The following GRID2 variants were observed in gnomAD, a reference collection of about 807,000 sequenced individuals.
The protein encoded by GRID2 is glutamate receptor ionotropic, delta-2.
GRID2 carries 33 observed loss-of-function variants against 114.8 expected under a neutral mutation model. That is an observed-to-expected ratio of 0.29 (90% CI 0.22 to 0.38). The LOEUF (loss-of-function observed/expected upper bound fraction) is 0.38. Ranked by LOEUF, GRID2 falls within the 10% of genes least tolerant of loss-of-function variation. The probability of loss-of-function intolerance (pLI) is 1.00; values close to 1 mark genes in which losing one functional copy is unlikely to be tolerated. For synonymous variants in GRID2, 505 were observed against 449.9 expected (o/e 1.12, Z -1.55); for missense variants, 1,184 against 1,257.7 (o/e 0.94, Z 0.89).
At chr4:92,941,022 A>C (rs1334334506) in intron 2 of GRID2, among the ~76,000 whole-genome samples, 1 of 152,082 alleles carries the variant, frequency 6.6e-6, no homozygotes, top group Non-Finnish European at 1.5e-5. Flanking sequence ...TATTGGTTTA[A>C]AATTCTCTTT....
At chr4:92,774,875 A>C (rs547152083) in intron 2 of GRID2, among the ~76,000 whole-genome samples, 2 of 152,038 alleles carry the variant, frequency 1.3e-5, no homozygotes, top group Non-Finnish European at 2.9e-5. Context: ...GATCTCTTCC[A>C]AAATTTTTCT....
chr4:92,791,149 C>T (rs1427231555), intron 2 of GRID2, among the ~76,000 whole-genome samples: 1 of 151,596 alleles, frequency 6.6e-6, no homozygotes, highest in Non-Finnish European at 1.5e-5. Flanking sequence ...AGAAATTGTT[C>T]CAGCTTACTA....
intron 1 of GRID2, among the ~76,000 whole-genome samples, chr4:92,364,486 A>G (rs936291733): frequency 6.6e-6 from 1 of 152,118 alleles, no homozygotes; most frequent in African/African-American, 2.4e-5. Flanking sequence ...ACAGAATAGT[A>G]TTATTCAATA....
Position 93,316,312 on chromosome 4 carries a change from GAAAGAAAGAAAGAAAGAAAGAAA to G in GRID2, c.1245+77823_1245+77845del, listed in dbSNP as rs1560490613. On this transcript the variant is annotated intron_variant, in intron 8 of 15. Transcript: ENST00000282020. ...AGAACGAAAGAAAGAAAGAAAGAAAGAAAGAAAGAAAGAAAGAAAGAAAGAAAGAAGGAAGGAAGGAAGGAAGG... is the reference window on the plus strand; with the variant it reads ...AGAACGAAAGAAAGAAAGAAAGAAAGGAAAGAAGGAAGGAAGGAAGGAAGG... Among the ~76,000 whole-genome samples the G allele has an allele frequency of 6.5e-3, 790 of 122,420 alleles. 9 individuals carry two copies. The highest frequency in any genetic ancestry group is 0.027 in the African/African-American group (747 of 28,074). 80.3% of individuals were successfully genotyped at this position (122,420 alleles called of 152,430 possible). A position where few individuals can be genotyped will look rare whatever the true frequency, so the allele number is the denominator to read the frequency against.
rs778705188 is a variant in GRID2, at chr4:92,704,701, A to ATCTCTCTCTC, written c.244+114427_244+114436dup. ...TCTTTTCTCCCCAATCAATCAATCA[A>ATCTCTCTCTC]TCTCTCTCTCTCTCTCTCTCTTTCT... On this transcript the variant is annotated intron_variant, in intron 2 of 15. Transcript: ENST00000282020. 1.1e-3 allele frequency among the ~76,000 whole-genome samples: 127 copies of ATCTCTCTCTC among 113,688 alleles called. 3 individuals carry two copies. The South Asian group carries it at 0.021, about 19-fold the overall frequency. 74.6% of individuals were successfully genotyped at this position (113,688 alleles called of 152,430 possible). A position where few individuals can be genotyped will look rare whatever the true frequency, so the allele number is the denominator to read the frequency against.
intron 3 of GRID2, among the ~76,000 whole-genome samples, chr4:93,101,474 A>G (rs541705837): frequency 1.3e-5 from 2 of 152,040 alleles, no homozygotes; most frequent in East Asian, 3.9e-4. Flanking sequence ...ATCTTCATGA[A>G]TTTCACTTTT....
At chr4:93,248,406 G>A (rs1748445234) in intron 8 of GRID2, among the ~76,000 whole-genome samples, 1 of 152,126 alleles carries the variant, frequency 6.6e-6, no homozygotes, top group Admixed American at 6.6e-5. Context: ...GACTCAAAGA[G>A]TAAGCCATTC....
intron 8 of GRID2, among the ~76,000 whole-genome samples, chr4:93,312,624 C>T (rs1756138426): frequency 6.6e-6 from 1 of 152,148 alleles, no homozygotes; most frequent in Non-Finnish European, 1.5e-5. Context: ...ATTTCAAAAC[C>T]TGCTTCCATT....
At chr4:93,630,502 G>C (rs72889192) in intron 14 of GRID2, among the ~76,000 whole-genome samples, 16,935 of 152,058 alleles carry the variant, frequency 0.11, 1,010 homozygotes, top group Middle Eastern at 0.14. Flanking sequence ...AATCTTAAGT[G>C]GATATTGGGA....
At chr4:92,366,958 GATC>G (rs1728900243) in intron 1 of GRID2, among the ~76,000 whole-genome samples, 5 of 152,016 alleles carry the variant, frequency 3.3e-5, no homozygotes, top group African/African-American at 4.8e-5. Context: ...GTAAATAAAA[GATC>G]ATGGGGATTC....
chr4:93,758,950 G>T (rs570354250), intron 14 of GRID2, among the ~76,000 whole-genome samples: 1 of 151,574 alleles, frequency 6.6e-6, no homozygotes, highest in African/African-American at 2.4e-5. Flanking sequence ...CACCAAAAGC[G>T]TTCTCTTTCC....
At chr4:92,993,044 T>G (rs1474016664) in intron 2 of GRID2, among the ~76,000 whole-genome samples, 3 of 152,088 alleles carry the variant, frequency 2.0e-5, no homozygotes, top group African/African-American at 2.4e-5. Context: ...TATGCTCAGG[T>G]TGAAAAATTA....
At chr4:92,862,378 C>T (rs553365617) in intron 2 of GRID2, among the ~76,000 whole-genome samples, 1 of 152,014 alleles carries the variant, frequency 6.6e-6, no homozygotes, top group Non-Finnish European at 1.5e-5. Flanking sequence ...AAATTTATTT[C>T]TCTAACATTC....
At position 93,095,004 on chromosome 4, in the gene GRID2, A is replaced by C. The variant is rs556156578; in HGVS notation, c.529+9725A>C. On this transcript the variant is annotated intron_variant, in intron 3 of 15. Transcript: ENST00000282020. ...AACAAAATAAGACTATATTAAACAC[A>C]AAGTGTAAGAAAATAAAAATAAATG... Among the ~76,000 whole-genome samples the C allele has an allele frequency of 3.9e-5, 6 of 152,202 alleles. No individual in the cohort carries two copies. The South Asian group carries it at 1.2e-3, about 32-fold the overall frequency.
intron 1 of GRID2, among the ~76,000 whole-genome samples, chr4:92,531,668 G>A (rs1454183422): frequency 4.6e-5 from 7 of 152,076 alleles, no homozygotes; most frequent in Admixed American, 4.6e-4. Context: ...GAACAGAGGA[G>A]ATGGAAAACT....
At chr4:92,741,079 G>A (rs1736873575) in intron 2 of GRID2, among the ~76,000 whole-genome samples, 2 of 152,058 alleles carry the variant, frequency 1.3e-5, no homozygotes. Context: ...CAAATTTTCA[G>A]TCTTATACAG....
At chr4:92,970,140 A>G (rs887825476) in intron 2 of GRID2, among the ~76,000 whole-genome samples, 3 of 151,944 alleles carry the variant, frequency 2.0e-5, no homozygotes, top group African/African-American at 7.2e-5. Context: ...TAGACTAACA[A>G]ATATTGTTGA....
At chr4:92,354,361 TTA>T (rs1728216224) in intron 1 of GRID2, among the ~76,000 whole-genome samples, 1 of 151,992 alleles carries the variant, frequency 6.6e-6, no homozygotes, top group African/African-American at 2.4e-5. Context: ...GCTGGTTTTT[TTA>T]TGTTTCTGTG....
chr4:93,562,026 C>T (rs76074059), intron 13 of GRID2, among the ~76,000 whole-genome samples: 2,928 of 152,186 alleles, frequency 0.019, 74 homozygotes, highest in East Asian at 0.14. Context: ...GAGTTTTCAA[C>T]TCCTCTGGGT....
Sources: gnomAD v4.1 joint callset for allele counts (sites outside exome capture counted in the v4.1 genomes callset) on GRCh38, gnomAD v4.1.1 for gene constraint, MANE v1.5 for transcripts, NCBI Gene and HGNC (gene_info 2026-07-23, HGNC 2026-07-21) for gene names.